GALNTL6: variants seen among roughly 807,000 people sequenced by gnomAD.
GALNTL6 encodes polypeptide N-acetylgalactosaminyltransferase like 6.
Under a neutral mutation model 73.7 loss-of-function variants are expected in GALNTL6, and 46 were observed. The ratio of observed to expected loss-of-function variants is 0.62; its 90% confidence interval spans 0.49 to 0.80. GALNTL6 has a LOEUF of 0.80. Among genes scored for constraint, GALNTL6 ranks in the 30% least tolerant of loss-of-function variants. GALNTL6 has a pLI of 0.00. For synonymous variants in GALNTL6, 259 were observed against 263.7 expected (o/e 0.98, Z 0.17); for missense variants, 604 against 755.0 (o/e 0.80, Z 2.34).
At position 172,006,404 on chromosome 4, in the gene GALNTL6, G is replaced by A. The variant is rs548528798; in HGVS notation, c.138+191686G>A. ...GTACCTTGAGCAGCGGAAGTGGGAG[G>A]ATTGCTTTAGCCCAGGAGTTCAAGA... On this transcript the variant is annotated intron_variant, in intron 2 of 12. Transcript: ENST00000506823. Among the ~76,000 whole-genome samples the A allele has an allele frequency of 4.6e-5, 7 of 152,222 alleles. No individual in the cohort carries two copies. In the South Asian group the frequency reaches 1.2e-3, roughly 27 times the overall value.
intron 2 of GALNTL6, among the ~76,000 whole-genome samples, chr4:171,910,817 A>T (rs1331592790): frequency 1.3e-5 from 2 of 152,194 alleles, no homozygotes; most frequent in African/African-American, 4.8e-5. Context: ...CTTAATCAAC[A>T]GGTTGGTACT....
chr4:172,209,788 C>T (rs1247533350), intron 2 of GALNTL6, among the ~76,000 whole-genome samples: 1 of 151,948 alleles, frequency 6.6e-6, no homozygotes, highest in Admixed American at 6.6e-5. Flanking sequence ...TTATATTTGC[C>T]CTTCCACAAA....
intron 2 of GALNTL6, among the ~76,000 whole-genome samples, chr4:171,987,302 A>C (rs1740127741): frequency 6.6e-6 from 1 of 152,188 alleles, no homozygotes; most frequent in Non-Finnish European, 1.5e-5. Flanking sequence ...TAAAGGTTTG[A>C]CTGAATACTA....
Position 172,092,780 on chromosome 4 carries a change from A to G in GALNTL6, c.139-136876A>G, listed in dbSNP as rs535753088. 2.0e-5 allele frequency among the ~76,000 whole-genome samples: 3 copies of G among 151,840 alleles called. No individual in the cohort carries two copies. In the South Asian group the frequency reaches 6.2e-4, roughly 32 times the overall value. On this transcript the variant is annotated intron_variant, in intron 2 of 12. Coordinates refer to ENST00000506823, the MANE Select transcript of GALNTL6 (RefSeq NM_001034845.3). Reference sequence around the variant, plus strand: ...TTTTGTGAAGTTTACAACACTTTTTACTTTTATAATATTAAAATTTTGTCT... The same window carrying G: ...TTTTGTGAAGTTTACAACACTTTTTGCTTTTATAATATTAAAATTTTGTCT...
At chr4:172,455,536 C>A (rs1257931542) in intron 5 of GALNTL6, among the ~76,000 whole-genome samples, 1 of 152,152 alleles carries the variant, frequency 6.6e-6, no homozygotes, top group African/African-American at 2.4e-5. Flanking sequence ...AGGCGTCCAC[C>A]ATTACTGAGG....
At chr4:172,753,917 G>C (rs922358398) in intron 5 of GALNTL6, among the ~76,000 whole-genome samples, 1 of 152,154 alleles carries the variant, frequency 6.6e-6, no homozygotes, top group Admixed American at 6.5e-5. Context: ...CAGCTCTGCA[G>C]TGCTAATGAG....
rs191625732 is a variant in GALNTL6, at chr4:172,197,972, A to C, written c.139-31684A>C. ...AAAATACAAAAAAAATTAGCTAGGC[A>C]TGGTTGTGGGCGCCTGTAGTCCCAG... is the stretch of plus-strand genomic sequence containing the variant. On this transcript the variant is annotated intron_variant, in intron 2 of 12. Transcript: ENST00000506823. 5.9e-5 allele frequency among the ~76,000 whole-genome samples: 9 copies of C among 152,120 alleles called. No homozygotes were observed. The South Asian group carries it at 6.2e-4, about 11-fold the overall frequency.
At chr4:172,077,314 C>T (rs965884587) in intron 2 of GALNTL6, among the ~76,000 whole-genome samples, 5 of 151,944 alleles carry the variant, frequency 3.3e-5, no homozygotes, top group South Asian at 4.2e-4. Flanking sequence ...GTAGAAAAGC[C>T]GGGCACTTTC....
chr4:172,980,627 C>G (rs1751023992), intron 10 of GALNTL6, among the ~76,000 whole-genome samples: 1 of 152,142 alleles, frequency 6.6e-6, no homozygotes, highest in South Asian at 2.1e-4. Context: ...TGTGCATATG[C>G]TGGGTTTGGC....
chr4:173,001,859 A>C (rs1752059845), intron 10 of GALNTL6, among the ~76,000 whole-genome samples: 1 of 152,222 alleles, frequency 6.6e-6, no homozygotes, highest in Admixed American at 6.5e-5. Flanking sequence ...TAAACCAAAA[A>C]AACTACAAGT....
At chr4:172,528,364 ATG>A (rs1554032800) in intron 5 of GALNTL6, among the ~76,000 whole-genome samples, 4 of 103,600 alleles carry the variant, frequency 3.9e-5, no homozygotes, top group Non-Finnish European at 6.3e-5. Context: ...ATATATATAT[ATG>A]GTTATTTTTT....
chr4:172,865,280 AT>A (rs1561001045), intron 7 of GALNTL6, among the ~76,000 whole-genome samples: 1 of 152,198 alleles, frequency 6.6e-6, no homozygotes, highest in Non-Finnish European at 1.5e-5. Flanking sequence ...ACACTGCACT[AT>A]TTGATCCAGA....
chr4:172,148,932 T>C (rs1733994714), intron 2 of GALNTL6, among the ~76,000 whole-genome samples: 1 of 152,212 alleles, frequency 6.6e-6, no homozygotes, highest in African/African-American at 2.4e-5. Flanking sequence ...TATAAATTTT[T>C]TGCTTCTGTG....
chr4:172,288,103 T>C (rs1287494339), intron 3 of GALNTL6, among the ~76,000 whole-genome samples: 1 of 151,880 alleles, frequency 6.6e-6, no homozygotes, highest in African/African-American at 2.4e-5. Context: ...GATTTTTTTT[T>C]TTTTTGAGAT....
At chr4:172,841,254 C>G (rs953049523) in intron 7 of GALNTL6, among the ~76,000 whole-genome samples, 3 of 152,108 alleles carry the variant, frequency 2.0e-5, no homozygotes, top group Non-Finnish European at 2.9e-5. Context: ...AATAGAATGG[C>G]GAAGATTTGA....
intron 2 of GALNTL6, among the ~76,000 whole-genome samples, chr4:171,830,509 AT>A (rs1734938404): frequency 1.3e-5 from 2 of 152,188 alleles, no homozygotes; most frequent in African/African-American, 2.4e-5. Flanking sequence ...ATACAAAAAA[AT>A]AAGAGTATAC....
At chr4:172,545,939 A>G (rs1561131245) in intron 5 of GALNTL6, among the ~76,000 whole-genome samples, 1 of 152,198 alleles carries the variant, frequency 6.6e-6, no homozygotes, top group Non-Finnish European at 1.5e-5. Context: ...GGCTTATTAC[A>G]ATAGCAATCA....
intron 5 of GALNTL6, among the ~76,000 whole-genome samples, chr4:172,382,746 A>C (rs1743328489): frequency 6.6e-6 from 1 of 152,134 alleles, no homozygotes; most frequent in Admixed American, 6.5e-5. Context: ...ACTTAGATTT[A>C]AATCCAATTT....
At chr4:172,298,049 T>C (rs945041529) in intron 3 of GALNTL6, among the ~76,000 whole-genome samples, 3 of 152,220 alleles carry the variant, frequency 2.0e-5, no homozygotes, top group Non-Finnish European at 2.9e-5. Flanking sequence ...TTTGTAGTTC[T>C]CCTTGAAGAG....
Sources: allele counts gnomAD v4.1 joint callset (sites outside exome capture counted in the v4.1 genomes callset), GRCh38; gene constraint gnomAD v4.1.1; transcripts MANE v1.5; gene names NCBI Gene and HGNC (gene_info 2026-07-23, HGNC 2026-07-21).